Variants in WASHC2C observed in about 807,000 individuals in gnomAD.
WASHC2C encodes the protein Vaccinia Penetration Factor.
WASHC2C carries 73 observed loss-of-function variants against 142.2 expected under a neutral mutation model. The ratio of observed to expected loss-of-function variants is 0.51; its 90% CI spans 0.43 to 0.62. The LOEUF (loss-of-function observed/expected upper bound fraction) is 0.62. WASHC2C is among the 20% of genes least tolerant of loss of function. The pLI is 0.00. For missense variants in WASHC2C, 969 were observed against 1,531.7 expected, an observed-to-expected ratio of 0.63 and a Z score of 6.13; for synonymous variants, 337 against 565.5, an observed-to-expected ratio of 0.60 and a Z score of 5.73.
At chr10:45,784,328 A>G (rs201161504) in intron 23 of WASHC2C, among the ~76,000 whole-genome samples, 23,323 of 118,380 alleles carry the variant, frequency 0.2, 3,391 homozygotes, top group South Asian at 0.35. Context: ...ACATATATAT[A>G]TATATGTAAA....
intron 23 of WASHC2C, among the ~76,000 whole-genome samples, chr10:45,784,301 T>TACAC (rs386371281): frequency 2.5e-5 from 2 of 79,950 alleles, no homozygotes; most frequent in African/African-American, 9.9e-5. Flanking sequence ...CACATATATA[T>TACAC]ATATATATAT....
chr10:45,727,332 G>C lies in WASHC2C; in HGVS notation c.3+12G>C. 1 of 1,585,952 alleles carries C rather than the reference G, an allele frequency of 6.3e-7. No individual in the cohort carries two copies. Among genetic ancestry groups the C allele is most frequent in the Non-Finnish European group, 8.6e-7 (1 of 1,167,526 alleles). On this transcript the variant is annotated intron_variant, in intron 1 of 30. Coordinates refer to ENST00000623400, the MANE Select transcript of WASHC2C (RefSeq NM_001330074.2). ...GGGCGGCTGGGATGGTGAGGGCGGCGGGCCGGAGAGGGGCCGGCCTGGGCT... is the reference window on the plus strand; with the variant it reads ...GGGCGGCTGGGATGGTGAGGGCGGCCGGCCGGAGAGGGGCCGGCCTGGGCT...
intron 23 of WASHC2C, among the ~76,000 whole-genome samples, chr10:45,783,648 G>A (rs2923039): frequency 0.013 from 1,710 of 131,076 alleles, no homozygotes; most frequent in African/African-American, 0.027. Flanking sequence ...TTTAGTAGAG[G>A]TGGGGTTTCA....
intron 17 of WASHC2C, among the ~76,000 whole-genome samples, chr10:45,760,903 A>G (rs1490388661): frequency 6.6e-6 from 1 of 151,070 alleles, no homozygotes; most frequent in Non-Finnish European, 1.5e-5. Context: ...TGTATCCCTA[A>G]CACCCCGTCC....
At chr10:45,784,293 C>CACACAT (rs1305333868) in intron 23 of WASHC2C, among the ~76,000 whole-genome samples, 3,105 of 63,456 alleles carry the variant, frequency 0.049, 184 homozygotes, top group African/African-American at 0.072. Flanking sequence ...TATATATACA[C>CACACAT]ATATATATAT....
rs1304605597 is a variant in WASHC2C, at chr10:45,792,469, C to T, written c.*69C>T. 1.9e-6 allele frequency: 3 copies of T among 1,551,586 alleles called. No homozygotes were observed. The highest frequency in any genetic ancestry group is 2.2e-5 in the East Asian group (1 of 44,602). On this transcript the variant is annotated 3_prime_UTR_variant, in exon 31 of 31. Coordinates refer to ENST00000623400, the MANE Select transcript of WASHC2C (RefSeq NM_001330074.2). ...AGTTAGTGATGATATTGTATATGCTCATGGTCTTAACTGGATTACAAAAAG... is the reference window on the plus strand; with the variant it reads ...AGTTAGTGATGATATTGTATATGCTTATGGTCTTAACTGGATTACAAAAAG...
rs1251117948 is a variant in WASHC2C at position 45,792,448 on chromosome 10, A to G, written c.*48A>G. 3.2e-6 allele frequency: 5 copies of G among 1,561,856 alleles called. No individual in the cohort carries two copies. Among genetic ancestry groups the G allele is most frequent in the Non-Finnish European group, 4.4e-6 (5 of 1,144,794 alleles). ...TACCCTGCAGCTACATTGTTGAGTT[A>G]GTGATGATATTGTATATGCTCATGG... is the stretch of plus-strand genomic sequence containing the variant. On this transcript the variant is annotated 3_prime_UTR_variant, in exon 31 of 31. Coordinates refer to ENST00000623400, the MANE Select transcript of WASHC2C (RefSeq NM_001330074.2).
intron 3 of WASHC2C, among the ~76,000 whole-genome samples, chr10:45,730,294 C>T (rs2050395349): frequency 7.1e-6 from 1 of 140,334 alleles, no homozygotes; most frequent in East Asian, 2.0e-4. Context: ...TTGCGGTGAG[C>T]CGAGATCCTG....
At chr10:45,770,672 A>G (rs1393753515) in intron 20 of WASHC2C, among the ~76,000 whole-genome samples, 10 of 152,288 alleles carry the variant, frequency 6.6e-5, no homozygotes, top group African/African-American at 2.4e-4. Context: ...AAGCATCACC[A>G]TTTCTGCATT....
At chr10:45,780,945 G>T (rs1290185629) in intron 23 of WASHC2C, among the ~76,000 whole-genome samples, 2 of 151,158 alleles carry the variant, frequency 1.3e-5, no homozygotes, top group South Asian at 2.1e-4. Flanking sequence ...GTAGAGACAG[G>T]GTTTCACCGT....
chr10:45,762,600 G>A (rs1554880427), intron 17 of WASHC2C, among the ~76,000 whole-genome samples: 1 of 152,230 alleles, frequency 6.6e-6, no homozygotes, highest in East Asian at 1.9e-4. Flanking sequence ...AGTTTAATTT[G>A]TATTTATTTA....
At chr10:45,740,450 G>T (rs1451187072) in intron 5 of WASHC2C, among the ~76,000 whole-genome samples, 1 of 152,162 alleles carries the variant, frequency 6.6e-6, no homozygotes, top group African/African-American at 2.4e-5. Context: ...TGTCAAGTTG[G>T]GGTGCAAAGA....
At chr10:45,790,185 G>A (rs2058316287) in intron 29 of WASHC2C, among the ~76,000 whole-genome samples, 171 bp from the exon 30 acceptor site, 1 of 152,168 alleles carries the variant, frequency 6.6e-6, no homozygotes, top group African/African-American at 2.4e-5. Flanking sequence ...GGTGAGATGC[G>A]CGGGCCAAGC....
At chr10:45,736,364 C>CCACTGCA (rs1554864688) in intron 3 of WASHC2C, among the ~76,000 whole-genome samples, 1 of 133,648 alleles carries the variant, frequency 7.5e-6, no homozygotes, top group African/African-American at 2.8e-5. Context: ...CGAGATCGCA[C>CCACTGCA]CACTGCACTC....
chr10:45,755,197 G>T, intron 15 of WASHC2C, 82 bp downstream of exon 15: 1 of 1,541,242 alleles, frequency 6.5e-7, no homozygotes, highest in Non-Finnish European at 8.8e-7. Flanking sequence ...ACCTAGTTCT[G>T]TATCTCTTAC....
intron 19 of WASHC2C, 97 bp from the exon 20 acceptor site, chr10:45,769,352 T>G (rs2056329754): frequency 1.5e-5 from 21 of 1,447,438 alleles, no homozygotes; most frequent in Non-Finnish European, 1.9e-5. Flanking sequence ...TCTGCTGATC[T>G]CGTGATTCAC....
At chr10:45,788,771 A>G (rs2135802995) in intron 28 of WASHC2C, 100 bp from the exon 29 acceptor site, 1 of 1,579,776 alleles carries the variant, frequency 6.3e-7, no homozygotes, top group South Asian at 1.1e-5. Flanking sequence ...GAAGTAGACC[A>G]GATAACCTTA....
intron 3 of WASHC2C, chr10:45,737,596 A>T (rs1363166221): frequency 9.5e-7 from 1 of 1,047,448 alleles, no homozygotes; most frequent in African/African-American, 1.6e-5. Context: ...CTAGTTGATA[A>T]ATTACATCAG....
intron 14 of WASHC2C, 120 bp from the exon 15 acceptor site, chr10:45,754,816 G>A: frequency 7.4e-7 from 1 of 1,348,126 alleles, no homozygotes; most frequent in Non-Finnish European, 1.0e-6. Context: ...ATTGGGCCCT[G>A]TTATGCATTT....
Sources: allele counts gnomAD v4.1 joint callset (sites outside exome capture counted in the v4.1 genomes callset), GRCh38; gene constraint gnomAD v4.1.1; transcripts MANE v1.5; gene names NCBI Gene and HGNC (gene_info 2026-07-23, HGNC 2026-07-21).